DCUN1D4: variants seen among roughly 807,000 people sequenced by gnomAD.
The protein encoded by DCUN1D4 is DCN1-like protein 4.
A neutral mutation model predicts 47.9 loss-of-function variants in DCUN1D4; 22 were observed. That is an observed-to-expected ratio of 0.46 (90% CI 0.33 to 0.66). The LOEUF (loss-of-function observed/expected upper bound fraction) is 0.66, where lower values mean the gene tolerates loss of function less well. Ranked by LOEUF, DCUN1D4 falls within the 30% of genes least tolerant of loss-of-function variation. DCUN1D4 has a pLI of 0.02. For missense variants in DCUN1D4, 301 were observed against 340.8 expected (o/e 0.88, Z 0.92); for synonymous variants, 121 against 112.2 (o/e 1.08, Z -0.50).
chr4:51,866,730 A>G (rs1725993193), intron 3 of DCUN1D4, among the ~76,000 whole-genome samples: 1 of 152,200 alleles, frequency 6.6e-6, no homozygotes, highest in African/African-American at 2.4e-5. Flanking sequence ...ATTTAACCCA[A>G]AGTGTGGCAC....
intron 7 of DCUN1D4, among the ~76,000 whole-genome samples, chr4:51,894,170 G>C (rs1271632532): frequency 2.0e-5 from 3 of 152,134 alleles, no homozygotes; most frequent in Non-Finnish European, 4.4e-5. Context: ...CACTGTAAAG[G>C]CATGGAGGAA....
intron 4 of DCUN1D4, among the ~76,000 whole-genome samples, chr4:51,876,066 CT>C (rs1727623405): frequency 6.6e-6 from 1 of 151,978 alleles, no homozygotes; most frequent in Admixed American, 6.6e-5. Flanking sequence ...TAACCATGTA[CT>C]TTTTTTGGTG....
chr4:51,868,440 A>G (rs937171508), intron 3 of DCUN1D4, among the ~76,000 whole-genome samples: 2 of 152,230 alleles, frequency 1.3e-5, no homozygotes, highest in African/African-American at 4.8e-5. Flanking sequence ...GTAAGTGCCC[A>G]GTCAATGTCA....
intron 1 of DCUN1D4, among the ~76,000 whole-genome samples, chr4:51,862,053 G>C (rs1051397869): frequency 2.0e-5 from 3 of 152,174 alleles, no homozygotes; most frequent in Non-Finnish European, 4.4e-5. Context: ...CTTAAGCATG[G>C]CTGGGCTATT....
chr4:51,898,819 C>G (rs1162178202), intron 7 of DCUN1D4, among the ~76,000 whole-genome samples: 1 of 152,182 alleles, frequency 6.6e-6, no homozygotes, highest in Non-Finnish European at 1.5e-5. Flanking sequence ...AGCGCATGAT[C>G]CTTGATTGGA....
upstream of DCUN1D4, among the ~76,000 whole-genome samples, chr4:51,838,356 TA>T (rs1721549521): frequency 1.3e-5 from 2 of 152,066 alleles, no homozygotes; most frequent in Admixed American, 6.5e-5. Flanking sequence ...TGTTCATCCC[TA>T]AAAAGAGGCC....
intron 6 of DCUN1D4, 60 bp from the exon 7 acceptor site, chr4:51,891,697 TTTG>T (rs1418071393): frequency 2.3e-6 from 3 of 1,312,502 alleles, no homozygotes; most frequent in Non-Finnish European, 3.2e-6. Context: ...GACAGATCTA[TTTG>T]TTTTTTCTTT....
chr4:51,834,118 T>TTTTTTTTG, the DCUN1D4 span, among the ~76,000 whole-genome samples: 1 of 140,608 alleles, frequency 7.1e-6, no homozygotes, highest in African/African-American at 2.8e-5. Flanking sequence ...TTTTTTCTTT[T>TTTTTTTTG]TTTTTTTTTT....
At chr4:51,906,188 C>G (rs1007576388) in intron 8 of DCUN1D4, among the ~76,000 whole-genome samples, 4 of 152,132 alleles carry the variant, frequency 2.6e-5, no homozygotes, top group African/African-American at 9.7e-5. Context: ...GTCAGCCCCT[C>G]CATGTACTCT....
At chr4:51,841,021 C>G (rs192074161), upstream of DCUN1D4, among the ~76,000 whole-genome samples, 85 of 152,222 alleles carry the variant, frequency 5.6e-4, 1 homozygote, top group Admixed American at 2.8e-3. Flanking sequence ...ATGCATATGC[C>G]AGGCCAGTGT....
Position 51,899,264 on chromosome 4 carries a change from T to G in DCUN1D4, c.507-6T>G, listed in dbSNP as rs369266878. The G allele has an allele frequency of 3.0e-5, 47 of 1,591,206 alleles. No homozygotes were observed. The highest frequency in any genetic ancestry group is 4.0e-5 in the Non-Finnish European group (47 of 1,172,918). ...GTCATAATTTGCCTTTATTCTGTTTTTCTAGATGTGATACAACAGAAAAAC... is the reference window on the plus strand; with the variant it reads ...GTCATAATTTGCCTTTATTCTGTTTGTCTAGATGTGATACAACAGAAAAAC... On this transcript the variant is annotated splice_polypyrimidine_tract_variant and splice_region_variant and intron_variant, in intron 7 of 10. Coordinates refer to ENST00000334635, the MANE Select transcript of DCUN1D4 (RefSeq NM_001040402.3).
intron 8 of DCUN1D4, among the ~76,000 whole-genome samples, chr4:51,908,204 A>G (rs1733186099): frequency 6.6e-6 from 1 of 152,112 alleles, no homozygotes; most frequent in South Asian, 2.1e-4. Flanking sequence ...ATTGTGGGGG[A>G]TTGGTATATC....
chr4:51,883,833 A>C (rs1729063265), intron 5 of DCUN1D4, among the ~76,000 whole-genome samples: 1 of 152,086 alleles, frequency 6.6e-6, no homozygotes, highest in African/African-American at 2.4e-5. Flanking sequence ...CAGAGTAGGG[A>C]GGAGTTAGAG....
intron 4 of DCUN1D4, 191 bp from the exon 5 acceptor site, chr4:51,877,568 CTATA>C: frequency 2.4e-6 from 1 of 413,824 alleles, no homozygotes; most frequent in Non-Finnish European, 4.4e-6. Context: ...CTTACCAGTT[CTATA>C]TTAGGAGTGA....
chr4:51,870,748 A>T (rs145605280), intron 3 of DCUN1D4, among the ~76,000 whole-genome samples: 58 of 152,358 alleles, frequency 3.8e-4, no homozygotes, highest in African/African-American at 1.3e-3. Context: ...GGATCCCTGC[A>T]ACCATTGGGG....
chr4:51,863,779 A>T, intron 3 of DCUN1D4, 70 bp downstream of exon 3: 1 of 1,461,974 alleles, frequency 6.8e-7, no homozygotes, highest in Non-Finnish European at 9.5e-7. Flanking sequence ...AATACTAGCT[A>T]TGAATGCGCT....
chr4:51,908,006 A>G (rs1286118956), intron 8 of DCUN1D4, among the ~76,000 whole-genome samples: 1 of 152,196 alleles, frequency 6.6e-6, no homozygotes, highest in Non-Finnish European at 1.5e-5. Context: ...TCAGATTGTA[A>G]TAAAATTTCA....
Position 51,913,798 on chromosome 4 carries a change from A to G in DCUN1D4, c.*214A>G. On this transcript the variant is annotated 3_prime_UTR_variant, in exon 11 of 11. Transcript: ENST00000334635. ...GCTTTGCAGTTTGTATTTACACTAC[A>G]GATTGGTGAATTTGCCAACGTCCTC... 1 of 482,170 alleles carries G rather than the reference A, an allele frequency of 2.1e-6. No homozygotes were observed. The highest frequency in any genetic ancestry group is 1.9e-5 in the African/African-American group (1 of 51,436). The allele number at this position is 482,170 out of a possible 1,614,324, so 29.9% of individuals were successfully genotyped here. A position where few individuals can be genotyped will look rare whatever the true frequency, so the allele number is the denominator to read the frequency against.
rs373794586 is a variant in DCUN1D4 at position 51,863,701 on chromosome 4, A to C, written c.128A>C (p.His43Pro). Residue 43 changes from histidine (H) to proline (P), a missense_variant, in exon 3 of 11, where the codon CAC becomes CCC. Around this residue, in one of 2 missense-constraint regions of DCUN1D4, gnomAD observed 131 missense variants for 106.3 expected, o/e 1.23. Transcript: ENST00000334635. Reference sequence around the variant, plus strand: ...ACAGAAGACATTGGCCAAGACGATCACCAAACAGGTATCTGTAAATGCTAA... The same window carrying C: ...ACAGAAGACATTGGCCAAGACGATCCCCAAACAGGTATCTGTAAATGCTAA... ...NLTEDIGQDD[H>P]QTGSLRSCSS... is the part of the protein sequence containing the mutation. 1.2e-6 allele frequency: 2 copies of C among 1,613,180 alleles called. No homozygotes were observed. Among genetic ancestry groups the C allele is most frequent in the Non-Finnish European group, 1.7e-6 (2 of 1,179,714 alleles).
Sources: allele counts gnomAD v4.1 joint callset (sites outside exome capture counted in the v4.1 genomes callset), GRCh38; gene constraint gnomAD v4.1.1; regional missense constraint gnomAD v4.1.1; transcripts MANE v1.5; gene names NCBI Gene and HGNC (gene_info 2026-07-23, HGNC 2026-07-21).